The following PDE4B variants were observed in gnomAD, a reference collection of about 807,000 sequenced individuals.
PDE4B encodes 3',5'-cyclic-AMP phosphodiesterase 4B.
Under a neutral mutation model 82.2 loss-of-function variants are expected in PDE4B, and 20 were observed. That is an observed-to-expected ratio of 0.24 (90% CI 0.17 to 0.35). The LOEUF (loss-of-function observed/expected upper bound fraction) is 0.35. PDE4B is among the 10% of genes least tolerant of loss of function. PDE4B has a pLI of 1.00. For synonymous variants in PDE4B, 320 were observed against 318.9 expected, an observed-to-expected ratio of 1.00 and a Z score of -0.04; for missense variants, 655 against 907.2, an observed-to-expected ratio of 0.72 and a Z score of 3.57.
At chr1:66,224,571 T>TA in intron 3 of PDE4B, among the ~76,000 whole-genome samples, 1 of 152,096 alleles carries the variant, frequency 6.6e-6, no homozygotes, top group East Asian at 1.9e-4. Flanking sequence ...CTAAAAAACT[T>TA]ACGTGGGCAC....
At chr1:66,078,706 A>G (rs1189132594) in intron 3 of PDE4B, among the ~76,000 whole-genome samples, 1 of 152,138 alleles carries the variant, frequency 6.6e-6, no homozygotes, top group African/African-American at 2.4e-5. Flanking sequence ...CATTATCACT[A>G]TCATAAATTG....
intron 8 of PDE4B, among the ~76,000 whole-genome samples, chr1:66,345,943 G>A (rs1485978721): frequency 6.6e-6 from 1 of 152,162 alleles, no homozygotes; most frequent in East Asian, 1.9e-4. Context: ...CATGGTTTTG[G>A]TTGGGGTTTT....
chr1:66,156,508 AT>A lies in PDE4B; in HGVS notation c.282-90947del, dbSNP rs151188281. On this transcript the variant is annotated intron_variant, in intron 3 of 16. Transcript: ENST00000341517. ...ACATTTATTATCCTATTTAAACTCA[AT>A]TTTTCAATCTACATTGGACCATTAT... 1.5e-3 allele frequency among the ~76,000 whole-genome samples: 222 copies of A among 152,098 alleles called. 6 individuals are homozygous for A. In the East Asian group the frequency reaches 0.04, roughly 27 times the overall value.
intron 1 of PDE4B, among the ~76,000 whole-genome samples, chr1:65,869,531 CT>C (rs1646549132): frequency 6.6e-6 from 1 of 152,162 alleles, no homozygotes; most frequent in African/African-American, 2.4e-5. Flanking sequence ...GAAAGAATTA[CT>C]TTGTGAACTA....
intron 8 of PDE4B, among the ~76,000 whole-genome samples, chr1:66,348,730 C>T (rs763331394): frequency 4.0e-5 from 6 of 150,688 alleles, no homozygotes; most frequent in African/African-American, 7.3e-5. Context: ...CTAGGTGCCC[C>T]GAATTTTTAT....
intron 3 of PDE4B, among the ~76,000 whole-genome samples, chr1:66,083,578 G>A (rs899794913): frequency 1.5e-4 from 23 of 152,182 alleles, no homozygotes; most frequent in African/African-American, 4.8e-4. Flanking sequence ...CAGGAATCCA[G>A]GATCCAAATC....
At chr1:65,998,339 G>A (rs920138344) in intron 3 of PDE4B, among the ~76,000 whole-genome samples, 5 of 151,694 alleles carry the variant, frequency 3.3e-5, no homozygotes. Context: ...AAGTAAGACT[G>A]TGCCAGCAGA....
intron 3 of PDE4B, among the ~76,000 whole-genome samples, chr1:66,200,157 G>T (rs1179997804): frequency 6.6e-6 from 1 of 152,156 alleles, no homozygotes; most frequent in Admixed American, 6.5e-5. Context: ...GATAGTTGTA[G>T]ATATATGGCA....
chr1:66,181,311 C>T (rs1647058150), intron 3 of PDE4B, among the ~76,000 whole-genome samples: 1 of 152,094 alleles, frequency 6.6e-6, no homozygotes, highest in Non-Finnish European at 1.5e-5. Context: ...TAAATATTAC[C>T]CGATTGGCAA....
At chr1:66,294,537 G>A (rs1657359658) in intron 7 of PDE4B, among the ~76,000 whole-genome samples, 1 of 152,130 alleles carries the variant, frequency 6.6e-6, no homozygotes, top group East Asian at 1.9e-4. Context: ...TAGGTAAGAA[G>A]TATTTATTCT....
chr1:65,845,260 G>T (rs1018213094), intron 1 of PDE4B, among the ~76,000 whole-genome samples: 3 of 152,168 alleles, frequency 2.0e-5, no homozygotes, highest in Non-Finnish European at 4.4e-5. Context: ...AATTTGTTGA[G>T]AAATATACAC....
At chr1:65,891,180 A>G (rs937190649) in intron 1 of PDE4B, among the ~76,000 whole-genome samples, 1 of 152,134 alleles carries the variant, frequency 6.6e-6, no homozygotes, top group Admixed American at 6.6e-5. Flanking sequence ...GTGTATTGCT[A>G]CAGGACCCTT....
At chr1:65,936,741 C>A (rs12058296) in intron 3 of PDE4B, among the ~76,000 whole-genome samples, 44,036 of 151,862 alleles carry the variant, frequency 0.29, 6,775 homozygotes, top group Middle Eastern at 0.4. Context: ...AGATTTTCTC[C>A]AAAAGTAGGA....
In PDE4B at chr1:66,081,822, CTCTCTCTCTCTGTGTGTGTGTGTG is replaced by C. The variant is rs1218570088; in HGVS notation, c.281+162989_281+163012del. 2.7e-4 allele frequency among the ~76,000 whole-genome samples: 35 copies of C among 128,260 alleles called. 2 individuals are homozygous for C. The South Asian group carries it at 0.011, about 41-fold the overall frequency. The allele number at this position is 128,260 out of a possible 152,430, so 84.1% of individuals were successfully genotyped here. A position where few individuals can be genotyped will look rare whatever the true frequency, so the allele number is the denominator to read the frequency against. On this transcript the variant is annotated intron_variant, in intron 3 of 16. Coordinates refer to ENST00000341517, the MANE Select transcript of PDE4B (RefSeq NM_002600.4). ...GAAAAGTAAAACTCTCTCTCTCTCT[CTCTCTCTCTCTGTGTGTGTGTGTG>C]TGTGTGTGTGTGTGTGTGTGTAGCT...
chr1:66,365,810 T>A, intron 13 of PDE4B, 44 bp downstream of exon 13: 1 of 1,115,098 alleles, frequency 9.0e-7, no homozygotes, highest in Non-Finnish European at 1.3e-6. Context: ...ATTGTATGAT[T>A]CACTGCTTAA....
intron 3 of PDE4B, among the ~76,000 whole-genome samples, chr1:66,081,230 G>A (rs1005706202): frequency 9.9e-5 from 15 of 152,064 alleles, no homozygotes; most frequent in African/African-American, 3.6e-4. Context: ...TCTAACATTG[G>A]CATCAATTGA....
At chr1:65,869,943 A>G (rs1329121239) in intron 1 of PDE4B, among the ~76,000 whole-genome samples, 4 of 152,168 alleles carry the variant, frequency 2.6e-5, no homozygotes, top group South Asian at 2.1e-4. Flanking sequence ...CATTATTGCC[A>G]TAACTTCCAC....
At chr1:65,864,855 C>G (rs1168023134) in intron 1 of PDE4B, among the ~76,000 whole-genome samples, 1 of 152,164 alleles carries the variant, frequency 6.6e-6, no homozygotes, top group Admixed American at 6.5e-5. Context: ...GGGATCCACT[C>G]TAGGAGGCAG....
chr1:66,160,374 G>A (rs1262295663), intron 3 of PDE4B, among the ~76,000 whole-genome samples: 1 of 152,104 alleles, frequency 6.6e-6, no homozygotes, highest in Non-Finnish European at 1.5e-5. Flanking sequence ...TTGGCTATTT[G>A]ACACTTGCAA....
Sources: gnomAD v4.1 joint callset for allele counts (sites outside exome capture counted in the v4.1 genomes callset) on GRCh38, gnomAD v4.1.1 for gene constraint, MANE v1.5 for transcripts, NCBI Gene and HGNC (gene_info 2026-07-23, HGNC 2026-07-21) for gene names.